DRC8: variants seen among roughly 807,000 people sequenced by gnomAD.
DRC8 encodes dynein regulatory complex protein 8.
chr1:245,028,803 C>T, the DRC8 span, among the ~76,000 whole-genome samples: 3 of 152,198 alleles, frequency 2.0e-5, no homozygotes, highest in Admixed American at 6.5e-5. Flanking sequence ...ACCCAGTTCC[C>T]TCTAAAATAT....
chr1:245,100,736 C>T, the DRC8 span, among the ~76,000 whole-genome samples: 177 of 151,746 alleles, frequency 1.2e-3, 1 homozygote, highest in African/African-American at 4.1e-3. Context: ...GAACAGTGAT[C>T]GGTCTACTGC....
chr1:244,970,392 C>T, the DRC8 span: 2 of 1,537,682 alleles, frequency 1.3e-6, no homozygotes, highest in Non-Finnish European at 1.7e-6. Flanking sequence ...CGTTAGGCAT[C>T]TCCCAGGCGA....
chr1:245,075,907 T>C, the DRC8 span, among the ~76,000 whole-genome samples: 2 of 152,202 alleles, frequency 1.3e-5, no homozygotes, highest in Non-Finnish European at 2.9e-5. Context: ...TCTCGCCTTT[T>C]TTTCAGTCCA....
the DRC8 span, among the ~76,000 whole-genome samples, chr1:245,099,634 G>C: frequency 1.3e-5 from 2 of 152,226 alleles, no homozygotes; most frequent in African/African-American, 4.8e-5. Flanking sequence ...ATTCTGCCCC[G>C]TTTGCAAGTG....
the DRC8 span, among the ~76,000 whole-genome samples, chr1:245,121,387 C>A: frequency 1.3e-5 from 2 of 152,212 alleles, no homozygotes; most frequent in African/African-American, 4.8e-5. Context: ...GCTCAGATGC[C>A]ATGATCAGAA....
chr1:244,977,525 AAAT>A, the DRC8 span, among the ~76,000 whole-genome samples: 1 of 152,100 alleles, frequency 6.6e-6, no homozygotes, highest in African/African-American at 2.4e-5. Flanking sequence ...TCTTTGCTAA[AAAT>A]AAAATAAATA....
the DRC8 span, among the ~76,000 whole-genome samples, chr1:245,092,815 C>T: frequency 1.3e-5 from 2 of 152,160 alleles, no homozygotes; most frequent in Admixed American, 6.5e-5. Context: ...TGAGCTTCCC[C>T]GGAGGTCGAG....
the DRC8 span, among the ~76,000 whole-genome samples, chr1:245,011,009 T>G: frequency 1.6e-4 from 25 of 152,278 alleles, no homozygotes; most frequent in East Asian, 4.8e-3. Context: ...AAATACTTGG[T>G]ACCAGAAGTA....
the DRC8 span, among the ~76,000 whole-genome samples, chr1:244,994,151 C>T: frequency 8.5e-5 from 13 of 152,154 alleles, no homozygotes; most frequent in East Asian, 3.8e-4. Flanking sequence ...TTTTCTTTTA[C>T]GAGAAGTAGT....
the DRC8 span, among the ~76,000 whole-genome samples, chr1:245,031,514 T>G: frequency 1.3e-5 from 2 of 152,048 alleles, no homozygotes; most frequent in African/African-American, 4.8e-5. Context: ...TTGAAAATTA[T>G]GGAACCACAA....
chr1:245,022,561 T>G, the DRC8 span, among the ~76,000 whole-genome samples: 210 of 152,324 alleles, frequency 1.4e-3, no homozygotes, highest in African/African-American at 4.7e-3. Flanking sequence ...GTACATGGGA[T>G]AAAATTCTAA....
At chr1:245,068,050 A>T in the DRC8 span, among the ~76,000 whole-genome samples, 1 of 152,174 alleles carries the variant, frequency 6.6e-6, no homozygotes, top group Non-Finnish European at 1.5e-5. Context: ...ATTTGGGGCA[A>T]TGAGGAGAAT....
chr1:244,979,292 C>CTTT, the DRC8 span, among the ~76,000 whole-genome samples: 28 of 51,378 alleles, frequency 5.4e-4, 4 homozygotes, highest in African/African-American at 2.1e-3. Context: ...CGAAGCTTAT[C>CTTT]TTTTTTTTTT....
At chr1:245,121,935 G>A in the DRC8 span, 39 of 415,622 alleles carry the variant, frequency 9.4e-5, no homozygotes, top group African/African-American at 1.9e-4. Flanking sequence ...GTTTCGCTCC[G>A]TCGCCCAGGC....
chr1:244,978,385 C>T, the DRC8 span, among the ~76,000 whole-genome samples: 12 of 150,008 alleles, frequency 8.0e-5, no homozygotes, highest in African/African-American at 2.0e-4. Context: ...CCCAGCTACT[C>T]GGGAGGCTGA....
chr1:245,083,474 G>T, the DRC8 span: 1 of 1,613,582 alleles, frequency 6.2e-7, no homozygotes, highest in Non-Finnish European at 8.5e-7. Context: ...GTCCTTCTTC[G>T]AGCTTTTGAG....
the DRC8 span, among the ~76,000 whole-genome samples, chr1:245,049,224 A>T: frequency 1.3e-5 from 2 of 152,296 alleles, no homozygotes; most frequent in Non-Finnish European, 2.9e-5. The surrounding 1 kb of genome is among the most constrained non-coding windows in gnomAD (Gnocchi z 4.5). Flanking sequence ...GCCTCAAGTG[A>T]TCCACCCACC....
At chr1:245,068,656 G>T in the DRC8 span, among the ~76,000 whole-genome samples, 4 of 150,896 alleles carry the variant, frequency 2.7e-5, no homozygotes, top group African/African-American at 4.9e-5. Flanking sequence ...TGACTAGGCT[G>T]GTCTTGAACT....
the DRC8 span, among the ~76,000 whole-genome samples, chr1:245,120,223 C>T: frequency 2.4e-4 from 37 of 152,238 alleles, 1 homozygote; most frequent in South Asian, 5.6e-3. Context: ...CTGAGTGCAC[C>T]GATTCCAGGG....
Sources: allele counts gnomAD v4.1 joint callset (sites outside exome capture counted in the v4.1 genomes callset), GRCh38; gene constraint gnomAD v4.1.1; non-coding constraint Gnocchi (gnomAD v3.1); transcripts MANE v1.5; gene names NCBI Gene and HGNC (gene_info 2026-07-23, HGNC 2026-07-21).